RASGEF1A: variants seen among roughly 807,000 people sequenced by gnomAD.
The protein encoded by RASGEF1A is RasGEF domain family member 1A, also known as ras-GEF domain-containing family member 1A.
A neutral mutation model predicts 56.4 loss-of-function variants in RASGEF1A; 18 were observed. That is an observed-to-expected ratio of 0.32 (90% CI 0.22 to 0.47). The LOEUF is 0.47. RASGEF1A is among the 20% of genes least tolerant of loss of function. The probability of loss-of-function intolerance (pLI) is 1.00; values close to 1 mark genes in which losing one functional copy is unlikely to be tolerated. For synonymous variants in RASGEF1A, 245 were observed against 242.6 expected, an observed-to-expected ratio of 1.01 and a Z score of -0.09; for missense variants, 422 against 627.1, an observed-to-expected ratio of 0.67 and a Z score of 3.49.
chr10:43,203,075 G>C (rs1439051825), intron 3 of RASGEF1A, among the ~76,000 whole-genome samples: 3 of 22,722 alleles, frequency 1.3e-4, no homozygotes, highest in South Asian at 1.5e-3. Context: ...CCTTGACCCC[G>C]ACCCTGCCCC....
Position 43,200,258 on chromosome 10 carries a change from T to C in RASGEF1A, c.682-2A>G. The C allele has an allele frequency of 6.2e-7, 1 of 1,602,884 alleles. No individual in the cohort carries two copies. On this transcript the variant is annotated splice_acceptor_variant, in intron 5 of 12. Coordinates refer to ENST00000395810, the MANE Select transcript of RASGEF1A (RefSeq NM_145313.4). LOFTEE classifies it high-confidence loss of function. ...AGGGTAAATGCTGCTGACCCTGTCC[T>C]GGGGTGGAAGATAGCAAAGGGAAGG...
intron 1 of RASGEF1A, among the ~76,000 whole-genome samples, chr10:43,243,955 T>C (rs1840539231): frequency 6.6e-6 from 1 of 151,090 alleles, no homozygotes; most frequent in African/African-American, 2.4e-5. Flanking sequence ...AAGGGGGAAA[T>C]GTGGGGAAAA....
chr10:43,217,525 C>T (rs1015895123), intron 1 of RASGEF1A, among the ~76,000 whole-genome samples: 3 of 152,262 alleles, frequency 2.0e-5, no homozygotes, highest in Admixed American at 6.5e-5. Context: ...ACACCTAGGT[C>T]CTCCCAGCTC....
At chr10:43,246,299 G>T (rs911699232) in intron 1 of RASGEF1A, among the ~76,000 whole-genome samples, 12 of 152,138 alleles carry the variant, frequency 7.9e-5, no homozygotes, top group Non-Finnish European at 1.8e-4. Context: ...CATGTTCATG[G>T]ATTGTAAGAC....
chr10:43,200,374 T>C (rs1839874712), intron 5 of RASGEF1A, 118 bp from the exon 6 acceptor site: 8 of 863,492 alleles, frequency 9.3e-6, no homozygotes, highest in Non-Finnish European at 1.3e-5. Flanking sequence ...CTTCACCTCC[T>C]CCCAGGCCAG....
chr10:43,252,867 C>T (rs1461462071), intron 1 of RASGEF1A, among the ~76,000 whole-genome samples: 3 of 152,196 alleles, frequency 2.0e-5, no homozygotes, highest in African/African-American at 7.2e-5. Context: ...ACCCTCGACA[C>T]AGACCCACTG....
At chr10:43,243,429 G>T (rs1293992502) in intron 1 of RASGEF1A, among the ~76,000 whole-genome samples, 5 of 149,660 alleles carry the variant, frequency 3.3e-5, no homozygotes, top group African/African-American at 5.0e-5. Context: ...GAAGTGAGGG[G>T]CGTCTCTGCC....
At chr10:43,262,182 C>T (rs1836541097) in intron 1 of RASGEF1A, among the ~76,000 whole-genome samples, 1 of 152,152 alleles carries the variant, frequency 6.6e-6, no homozygotes, top group African/African-American at 2.4e-5. Context: ...GGTGGGGAAA[C>T]AAGCCCTGCT....
chr10:43,237,261 C>A (rs1194610243), intron 1 of RASGEF1A, among the ~76,000 whole-genome samples: 1 of 152,014 alleles, frequency 6.6e-6, no homozygotes, highest in African/African-American at 2.4e-5. Flanking sequence ...CTTCTGTCTC[C>A]CTGGGTCCTT....
chr10:43,211,335 C>A (rs1405002937), intron 1 of RASGEF1A, among the ~76,000 whole-genome samples: 1 of 152,156 alleles, frequency 6.6e-6, no homozygotes, highest in Non-Finnish European at 1.5e-5. Flanking sequence ...TGTATCTGAG[C>A]CTAAGTCTTC....
At chr10:43,201,317 C>T (rs998095558) in intron 4 of RASGEF1A, among the ~76,000 whole-genome samples, 23 of 152,280 alleles carry the variant, frequency 1.5e-4, no homozygotes, top group African/African-American at 5.5e-4. Context: ...CTGGAGTACT[C>T]GGGGTGAACA....
intron 1 of RASGEF1A, among the ~76,000 whole-genome samples, chr10:43,233,680 G>A (rs1368091508): frequency 2.6e-5 from 4 of 152,198 alleles, no homozygotes; most frequent in Non-Finnish European, 5.9e-5. Context: ...GGCAGGGTCA[G>A]CTGGTGCAGC....
intron 2 of RASGEF1A, 50 bp from the exon 3 acceptor site, chr10:43,203,470 CG>C: frequency 6.8e-7 from 1 of 1,470,948 alleles, no homozygotes; most frequent in Non-Finnish European, 9.1e-7. Context: ...GGCAGGCCCC[CG>C]GGGGCTCACC....
intron 1 of RASGEF1A, among the ~76,000 whole-genome samples, chr10:43,264,666 G>A (rs544598501): frequency 8.7e-5 from 13 of 149,816 alleles, no homozygotes; most frequent in Non-Finnish European, 1.6e-4. Flanking sequence ...GGGAGGGTCC[G>A]TCAAGGGGCA....
intron 1 of RASGEF1A, chr10:43,207,574 C>T (rs1028182454): frequency 3.0e-6 from 3 of 985,618 alleles, no homozygotes; most frequent in South Asian, 9.4e-5. Flanking sequence ...AAGAACGCAA[C>T]CAAAGGCCCC....
At position 43,196,697 on chromosome 10, in the gene RASGEF1A, C is replaced by A; in HGVS notation, c.1349-149G>T. The A allele has an allele frequency of 1.2e-6, 1 of 816,650 alleles. No individual in the cohort carries two copies. Among genetic ancestry groups the A allele is most frequent in the Non-Finnish European group, 2.0e-6 (1 of 507,236 alleles). The allele number at this position is 816,650 out of a possible 1,614,324, so 50.6% of individuals were successfully genotyped here. A position where few individuals can be genotyped will look rare whatever the true frequency, so the allele number is the denominator to read the frequency against. ...TTCTCTGCTGTGCGGGGCTCTCAGG[C>A]TGCCTGTTGGGGACTCTAGGAAGGT... On this transcript the variant is annotated intron_variant, in intron 11 of 12. Coordinates refer to ENST00000395810, the MANE Select transcript of RASGEF1A (RefSeq NM_145313.4). This position sits in a 1 kb window ranked among gnomAD's most constrained non-coding sequence, Gnocchi z 4.6.
At chr10:43,198,768 C>A (rs1839841619) in intron 9 of RASGEF1A, among the ~76,000 whole-genome samples, 165 bp downstream of exon 9, 1 of 152,218 alleles carries the variant, frequency 6.6e-6, no homozygotes, top group Non-Finnish European at 1.5e-5. Context: ...AACTTAAGTC[C>A]CCACTGCTGG....
chr10:43,203,639 C>T lies in RASGEF1A; in HGVS notation c.199-219G>A, dbSNP rs1839947402. 3.3e-6 allele frequency: 4 copies of T among 1,212,368 alleles called. No homozygotes were observed. In the Admixed American group the frequency reaches 1.1e-4, roughly 34 times the overall value. The allele number at this position is 1,212,368 out of a possible 1,614,324, so 75.1% of individuals were successfully genotyped here. A position where few individuals can be genotyped will look rare whatever the true frequency, so the allele number is the denominator to read the frequency against. ...AGGAGGCACGGCTCGAGCCCCGCCT[C>T]CCAGCAGCTCTCCCAGGCCTCCTAG... On this transcript the variant is annotated intron_variant, in intron 2 of 12. Coordinates refer to ENST00000395810, the MANE Select transcript of RASGEF1A (RefSeq NM_145313.4).
chr10:43,256,679 G>A (rs1283455254), intron 1 of RASGEF1A, among the ~76,000 whole-genome samples: 1 of 152,084 alleles, frequency 6.6e-6, no homozygotes, highest in Non-Finnish European at 1.5e-5. Flanking sequence ...TCCACGTTGG[G>A]GCTGAGGATG....
Sources: allele counts gnomAD v4.1 joint callset (sites outside exome capture counted in the v4.1 genomes callset), GRCh38; gene constraint gnomAD v4.1.1; non-coding constraint Gnocchi (gnomAD v3.1); transcripts MANE v1.5; gene names NCBI Gene and HGNC (gene_info 2026-07-23, HGNC 2026-07-21).